The following DKK2 variants were observed in gnomAD, a reference collection of about 807,000 sequenced individuals.
DKK2 encodes the protein dickkopf Wnt signaling pathway inhibitor 2, also known as dickkopf-related protein 2.
In DKK2, 11 loss-of-function variants were observed where a neutral mutation model predicts 28.1. The observed-to-expected ratio is 0.39, with a 90% CI of 0.25 to 0.65. The LOEUF (loss-of-function observed/expected upper bound fraction) is 0.65, where lower values mean the gene tolerates loss of function less well. Ranked by LOEUF, DKK2 falls within the 30% of genes least tolerant of loss-of-function variation. The pLI is 0.47. For missense variants in DKK2, 326 were observed against 335.5 expected (o/e 0.97, Z 0.22); for synonymous variants, 135 against 126.5 (o/e 1.07, Z -0.45).
At chr4:107,009,273 G>A (rs544412287) in intron 1 of DKK2, among the ~76,000 whole-genome samples, 1 of 151,806 alleles carries the variant, frequency 6.6e-6, no homozygotes, top group Non-Finnish European at 1.5e-5. Context: ...TGCTCATTTT[G>A]TAACATTTTG....
At chr4:107,027,691 C>T (rs969331325) in intron 1 of DKK2, among the ~76,000 whole-genome samples, 8 of 151,294 alleles carry the variant, frequency 5.3e-5, no homozygotes, top group Non-Finnish European at 8.8e-5. Context: ...ATATGCTGTT[C>T]AATTATTTTG....
intron 1 of DKK2, among the ~76,000 whole-genome samples, chr4:106,954,949 G>T (rs1349483839): frequency 6.6e-6 from 1 of 152,178 alleles, no homozygotes; most frequent in African/African-American, 2.4e-5. Flanking sequence ...TCTGAATAAT[G>T]TACAGGGGTT....
chr4:106,993,229 C>T (rs769083507), intron 1 of DKK2, among the ~76,000 whole-genome samples: 8 of 152,184 alleles, frequency 5.3e-5, no homozygotes, highest in Non-Finnish European at 8.8e-5. Context: ...CTGAAAGAAG[C>T]TATGCCTGTA....
At chr4:107,021,976 G>A (rs1432554052) in intron 1 of DKK2, among the ~76,000 whole-genome samples, 1 of 151,994 alleles carries the variant, frequency 6.6e-6, no homozygotes, top group Admixed American at 6.6e-5. Flanking sequence ...AATGAGGAAA[G>A]GTTTTTGAGG....
chr4:107,008,535 AC>A (rs1178030281), intron 1 of DKK2, among the ~76,000 whole-genome samples: 1 of 151,972 alleles, frequency 6.6e-6, no homozygotes, highest in African/African-American at 2.4e-5. Flanking sequence ...AAGAAAAAGC[AC>A]CCCGTGTTAG....
At chr4:106,953,928 G>T (rs913722217) in intron 1 of DKK2, among the ~76,000 whole-genome samples, 1 of 152,178 alleles carries the variant, frequency 6.6e-6, no homozygotes, top group Non-Finnish European at 1.5e-5. Context: ...GCAATGTGGT[G>T]AGGAAAATCC....
chr4:107,009,237 T>C (rs1288592099), intron 1 of DKK2, among the ~76,000 whole-genome samples: 1 of 151,994 alleles, frequency 6.6e-6, no homozygotes, highest in Non-Finnish European at 1.5e-5. Context: ...ACACCAAACA[T>C]TTATAACATG....
intron 1 of DKK2, among the ~76,000 whole-genome samples, chr4:106,980,297 A>T (rs1371841295): frequency 2.0e-5 from 3 of 152,086 alleles, no homozygotes; most frequent in Non-Finnish European, 4.4e-5. Flanking sequence ...ATATCTATAG[A>T]TATCTATGTG....
At chr4:106,933,511 T>C (rs1578346800) in intron 1 of DKK2, among the ~76,000 whole-genome samples, 1 of 152,314 alleles carries the variant, frequency 6.6e-6, no homozygotes, top group Non-Finnish European at 1.5e-5. Context: ...GAACGCTGTG[T>C]GGACTCAGAG....
In DKK2 at chr4:107,036,313, T is replaced by C. The variant is rs1449949338; in HGVS notation, c.-722A>G. 1 of 150,286 alleles carries C rather than the reference T, an allele frequency of 6.7e-6. No individual in the cohort carries two copies. Among genetic ancestry groups the C allele is most frequent in the African/African-American group, 2.4e-5 (1 of 40,898 alleles). The allele number at this position is 150,286 out of a possible 1,614,324, so 9.3% of individuals were successfully genotyped here. On this transcript the variant is annotated 5_prime_UTR_variant, in exon 1 of 4. Coordinates refer to ENST00000285311, the MANE Select transcript of DKK2 (RefSeq NM_014421.3). ...GGGCTCCCGCTTTCTCTCTCTCTGC[T>C]CTCTCCCCAGTCCTCTTTGCTTTTT...
At chr4:106,983,377 A>AAGAAAGAAAG in intron 1 of DKK2, among the ~76,000 whole-genome samples, 3 of 98,554 alleles carry the variant, frequency 3.0e-5, no homozygotes, top group African/African-American at 1.4e-4. Context: ...AGAAGAAAGA[A>AAGAAAGAAAG]AAGAAAGAAA....
At chr4:106,975,388 GC>G (rs1273366507) in intron 1 of DKK2, among the ~76,000 whole-genome samples, 1 of 152,056 alleles carries the variant, frequency 6.6e-6, no homozygotes, top group Non-Finnish European at 1.5e-5. Context: ...TTTTTTGGTT[GC>G]TAGGCTATTA....
chr4:107,021,220 A>G (rs1210768575), intron 1 of DKK2, among the ~76,000 whole-genome samples: 3 of 151,824 alleles, frequency 2.0e-5, no homozygotes, highest in East Asian at 1.9e-4. Flanking sequence ...CTCACCTTCT[A>G]TGGGGTACTT....
At chr4:106,940,493 A>G (rs1225247516) in intron 1 of DKK2, among the ~76,000 whole-genome samples, 1 of 150,680 alleles carries the variant, frequency 6.6e-6, no homozygotes, top group East Asian at 1.9e-4. Flanking sequence ...AAATAGGAAC[A>G]CTTTTACACT....
At chr4:106,968,284 T>C (rs1023067146) in intron 1 of DKK2, among the ~76,000 whole-genome samples, 1 of 152,122 alleles carries the variant, frequency 6.6e-6, no homozygotes, top group Non-Finnish European at 1.5e-5. Context: ...ATTCCCCATC[T>C]ACTACCGTGG....
At chr4:106,952,305 G>A (rs1722466267) in intron 1 of DKK2, among the ~76,000 whole-genome samples, 2 of 152,116 alleles carry the variant, frequency 1.3e-5, no homozygotes, top group African/African-American at 4.8e-5. Context: ...ATTTAATGCT[G>A]TGATTATATA....
chr4:106,962,041 T>C (rs1400643482), intron 1 of DKK2, among the ~76,000 whole-genome samples: 1 of 152,198 alleles, frequency 6.6e-6, no homozygotes, highest in Non-Finnish European at 1.5e-5. Flanking sequence ...GTGGACTGGT[T>C]TTAACCAGAG....
At chr4:106,928,002 T>C (rs750781144) in intron 1 of DKK2, among the ~76,000 whole-genome samples, 29 of 152,174 alleles carry the variant, frequency 1.9e-4, no homozygotes, top group Non-Finnish European at 4.1e-4. Flanking sequence ...GTCCACAGGA[T>C]ACACTATTTT....
rs1047197202 is a variant in DKK2 at position 107,035,677 on chromosome 4, C to A, written c.-86G>T. 2.1e-6 allele frequency: 3 copies of A among 1,440,932 alleles called. No homozygotes were observed. The highest frequency in any genetic ancestry group is 1.2e-5 in the South Asian group (1 of 83,642). The allele number at this position is 1,440,932 out of a possible 1,614,324, so 89.3% of individuals were successfully genotyped here. A position where few individuals can be genotyped will look rare whatever the true frequency, so the allele number is the denominator to read the frequency against. On this transcript the variant is annotated 5_prime_UTR_variant, in exon 1 of 4. Coordinates refer to ENST00000285311, the MANE Select transcript of DKK2 (RefSeq NM_014421.3). ...GGGAGGACCCCAACACGGGGCCCCT[C>A]ACTTGGGTCGCGGGGGCTTGCAGAT... is the stretch of plus-strand genomic sequence containing the variant.
Sources: gnomAD v4.1 joint callset for allele counts (sites outside exome capture counted in the v4.1 genomes callset) on GRCh38, gnomAD v4.1.1 for gene constraint, MANE v1.5 for transcripts, NCBI Gene and HGNC (gene_info 2026-07-23, HGNC 2026-07-21) for gene names.